Variants in PDE3A observed in about 807,000 individuals in gnomAD.
PDE3A encodes phosphodiesterase 3A, also known as cGMP-inhibited 3',5'-cyclic phosphodiesterase 3A.
In PDE3A, 43 loss-of-function variants were observed where a neutral mutation model predicts 98.3. That is an observed-to-expected ratio of 0.44 (90% CI 0.34 to 0.56). PDE3A has a LOEUF of 0.56. PDE3A is among the 20% of genes least tolerant of loss of function. The probability of loss-of-function intolerance (pLI) is 0.01; values close to 1 mark genes in which losing one functional copy is unlikely to be tolerated. For synonymous variants in PDE3A, 663 were observed against 567.9 expected (o/e 1.17, Z -2.38); for missense variants, 1,427 against 1,440.7 (o/e 0.99, Z 0.15).
chr12:20,601,880 T>C (rs994480764), intron 2 of PDE3A, among the ~76,000 whole-genome samples: 4 of 152,186 alleles, frequency 2.6e-5, no homozygotes, highest in Non-Finnish European at 5.9e-5. Flanking sequence ...TACTGCCATC[T>C]GTTGTTCACT....
At position 20,593,234 on chromosome 12, in the gene PDE3A, G is replaced by T. The variant is rs554337369; in HGVS notation, c.1012-20209G>T. Reference sequence around the variant, plus strand: ...GTAACACCATAAACCAAAGCATAGGGTTGTGGCATCATATCTGTAAAGAGA... The same window carrying T: ...GTAACACCATAAACCAAAGCATAGGTTTGTGGCATCATATCTGTAAAGAGA... On this transcript the variant is annotated intron_variant, in intron 2 of 15. Transcript: ENST00000359062. Among the ~76,000 whole-genome samples, 13 of 152,280 alleles carry T rather than the reference G, an allele frequency of 8.5e-5. No homozygotes were observed. In the East Asian group the frequency reaches 2.3e-3, roughly 27 times the overall value.
chr12:20,464,242 G>T (rs190034644), intron 1 of PDE3A, among the ~76,000 whole-genome samples: 1 of 152,090 alleles, frequency 6.6e-6, no homozygotes, highest in South Asian at 2.1e-4. Flanking sequence ...AAATATAATT[G>T]CATAATAATT....
chr12:20,414,686 A>G (rs1229991368), intron 1 of PDE3A, among the ~76,000 whole-genome samples: 12 of 152,232 alleles, frequency 7.9e-5, no homozygotes, highest in Non-Finnish European at 1.6e-4. Flanking sequence ...TTGCTGAATG[A>G]ATCAAACGGG....
At chr12:20,631,681 G>A (rs2121511981) in intron 6 of PDE3A, among the ~76,000 whole-genome samples, 1 of 143,026 alleles carries the variant, frequency 7.0e-6, no homozygotes, top group African/African-American at 2.6e-5. Context: ...CACTCACGCA[G>A]CTTTTTTCAT....
intron 1 of PDE3A, among the ~76,000 whole-genome samples, chr12:20,450,924 G>A (rs1945052536): frequency 6.6e-6 from 1 of 152,188 alleles, no homozygotes; most frequent in Non-Finnish European, 1.5e-5. Flanking sequence ...GACTTGGTCT[G>A]AGAACTTGTT....
intron 1 of PDE3A, among the ~76,000 whole-genome samples, chr12:20,374,922 G>A (rs1330005798): frequency 2.0e-5 from 3 of 151,974 alleles, no homozygotes; most frequent in Non-Finnish European, 4.4e-5. Context: ...GATGTGTGAA[G>A]ATAATCAATG....
chr12:20,480,639 A>G (rs1945606047), intron 1 of PDE3A, among the ~76,000 whole-genome samples: 1 of 152,234 alleles, frequency 6.6e-6, no homozygotes, highest in Non-Finnish European at 1.5e-5. Context: ...TCTCATGGAA[A>G]GAAGTTTCCC....
At chr12:20,481,764 A>AGTTTTTTTTTTTTTTTTT (rs1945629839) in intron 1 of PDE3A, among the ~76,000 whole-genome samples, 1 of 79,584 alleles carries the variant, frequency 1.3e-5, no homozygotes, top group African/African-American at 5.2e-5. Context: ...TGGGAAATAG[A>AGTTTTTTTTTTTTTTTTT]TTTTTTTTTT....
intron 1 of PDE3A, among the ~76,000 whole-genome samples, chr12:20,397,237 T>G (rs1167860356): frequency 6.6e-6 from 1 of 152,100 alleles, no homozygotes; most frequent in Non-Finnish European, 1.5e-5. Context: ...TGAGCCTGTC[T>G]CTATATATGT....
At chr12:20,447,598 C>G (rs998569131) in intron 1 of PDE3A, among the ~76,000 whole-genome samples, 2 of 152,200 alleles carry the variant, frequency 1.3e-5, no homozygotes, top group African/African-American at 4.8e-5. Context: ...GGTGGTACAA[C>G]CACCCAGGGA....
chr12:20,380,728 T>C (rs1943649260), intron 1 of PDE3A, among the ~76,000 whole-genome samples: 1 of 151,914 alleles, frequency 6.6e-6, no homozygotes, highest in South Asian at 2.1e-4. Context: ...GAGAGATTGC[T>C]ATCACTGACA....
intron 5 of PDE3A, among the ~76,000 whole-genome samples, chr12:20,626,300 C>G (rs1944262909): frequency 6.6e-6 from 1 of 151,288 alleles, no homozygotes; most frequent in African/African-American, 2.4e-5. Flanking sequence ...TCAAAATATG[C>G]ATGCACATCC....
intron 1 of PDE3A, among the ~76,000 whole-genome samples, chr12:20,408,496 A>G (rs988709169): frequency 6.6e-6 from 1 of 152,224 alleles, no homozygotes; most frequent in African/African-American, 2.4e-5. Context: ...AGCACTTCAC[A>G]GAAAATTGAC....
intron 1 of PDE3A, among the ~76,000 whole-genome samples, chr12:20,447,171 G>A (rs751421139): frequency 1.3e-5 from 2 of 152,208 alleles, no homozygotes; most frequent in African/African-American, 4.8e-5. Flanking sequence ...CAAGCCATCC[G>A]GATGAGAGAT....
chr12:20,579,266 T>A (rs4531519), intron 2 of PDE3A, among the ~76,000 whole-genome samples: 82,379 of 152,014 alleles, frequency 0.54, 22,420 homozygotes, highest in Admixed American at 0.6. Flanking sequence ...GGGTGTGGTG[T>A]CCACATCTTG....
rs765934242 is a variant in PDE3A at position 20,637,150 on chromosome 12, A to G, written c.2052A>G (p.Ser684=). The change falls in exon 9 of 16, where the codon TCA becomes TCG. Residue 684 remains serine (S), a synonymous_variant. Coordinates refer to ENST00000359062, the MANE Select transcript of PDE3A (RefSeq NM_000921.5). ...CTCTTGTCATGGATAACCTGGACTC[A>G]ATTATGGAGCAGCTAAATACTTGGA... ...PEPLVMDNLD[S]IMEQLNTWNF... 1.9e-6 allele frequency: 3 copies of G among 1,609,782 alleles called. No homozygotes were observed. The South Asian group carries it at 3.3e-5, about 18-fold the overall frequency.
chr12:20,581,666 A>G lies in PDE3A; in HGVS notation c.1011+24956A>G, dbSNP rs551315637. ...CTCGCTCTGTCGCCCAGGCTGGAGTACAGTGGCACGATCTCGGCTCACTGC... is the reference window on the plus strand; with the variant it reads ...CTCGCTCTGTCGCCCAGGCTGGAGTGCAGTGGCACGATCTCGGCTCACTGC... On this transcript the variant is annotated intron_variant, in intron 2 of 15. Transcript: ENST00000359062. Among the ~76,000 whole-genome samples, 949 of 144,262 alleles carry G rather than the reference A, an allele frequency of 6.6e-3. 12 individuals are homozygous for G. Among genetic ancestry groups the G allele is most frequent in the African/African-American group, 0.023 (887 of 38,098 alleles). 94.6% of individuals were successfully genotyped at this position (144,262 alleles called of 152,430 possible).
At chr12:20,592,529 G>A (rs926964669) in intron 2 of PDE3A, among the ~76,000 whole-genome samples, 2 of 151,990 alleles carry the variant, frequency 1.3e-5, no homozygotes, top group Admixed American at 6.6e-5. Flanking sequence ...TTATTATAAC[G>A]AAAGCCACTT....
At chr12:20,539,947 A>G (rs941780848) in intron 1 of PDE3A, among the ~76,000 whole-genome samples, 1 of 152,144 alleles carries the variant, frequency 6.6e-6, no homozygotes, top group Non-Finnish European at 1.5e-5. Context: ...AAATTATAAA[A>G]TATCCAGATT....
Sources: gnomAD v4.1 joint callset for allele counts (sites outside exome capture counted in the v4.1 genomes callset) on GRCh38, gnomAD v4.1.1 for gene constraint, MANE v1.5 for transcripts, NCBI Gene and HGNC (gene_info 2026-07-23, HGNC 2026-07-21) for gene names.